Variants in DPP10 observed in about 807,000 individuals in gnomAD.
DPP10 encodes dipeptidyl peptidase like 10, also known as inactive dipeptidyl peptidase 10.
In DPP10, 33 loss-of-function variants were observed where a neutral mutation model predicts 120.9. That is an observed-to-expected ratio of 0.27 (90% CI 0.21 to 0.37). The LOEUF is 0.37. DPP10 is among the 10% of genes least tolerant of loss of function. The pLI is 1.00. For missense variants in DPP10, 816 were observed against 942.8 expected (o/e 0.87, Z 1.76); for synonymous variants, 337 against 326.1 (o/e 1.03, Z -0.36).
intron 1 of DPP10, among the ~76,000 whole-genome samples, chr2:115,030,503 C>T (rs933551298): frequency 3.3e-5 from 5 of 151,966 alleles, no homozygotes; most frequent in African/African-American, 1.2e-4. Context: ...ATTTTAAGTT[C>T]GGGGTATGTG....
chr2:115,494,640 GATTT>G (rs1013139752), intron 3 of DPP10, among the ~76,000 whole-genome samples: 3 of 151,988 alleles, frequency 2.0e-5, no homozygotes, highest in African/African-American at 7.2e-5. Flanking sequence ...ACCCTTCCTA[GATTT>G]ATTTGAGCAT....
chr2:114,686,007 T>G lies in DPP10; in HGVS notation c.60+243169T>G, dbSNP rs181790490. 2.6e-5 allele frequency among the ~76,000 whole-genome samples: 4 copies of G among 152,056 alleles called. No individual in the cohort carries two copies. The East Asian group carries it at 7.8e-4, about 30-fold the overall frequency. On this transcript the variant is annotated intron_variant, in intron 1 of 25. Transcript: ENST00000410059. ...CAGCTGGCTCTACCAGTACACTGTA[T>G]TTTCTTCCCTGAGTGCTACTTCCAG...
At chr2:114,829,351 A>G (rs1686857917) in intron 1 of DPP10, among the ~76,000 whole-genome samples, 1 of 151,306 alleles carries the variant, frequency 6.6e-6, no homozygotes, top group South Asian at 2.1e-4. Context: ...CTATTTACAA[A>G]GGGACACATA....
intron 1 of DPP10, among the ~76,000 whole-genome samples, chr2:114,866,070 C>T (rs1690204123): frequency 6.6e-6 from 1 of 151,394 alleles, no homozygotes; most frequent in African/African-American, 2.4e-5. Flanking sequence ...TGAGATCGCG[C>T]CACTGCACTC....
chr2:114,812,905 C>T (rs1279196393), intron 1 of DPP10, among the ~76,000 whole-genome samples: 1 of 152,134 alleles, frequency 6.6e-6, no homozygotes, highest in Non-Finnish European at 1.5e-5. Context: ...ATAGGCTTGG[C>T]TAATGCCCAA....
At chr2:115,199,356 T>C (rs1281089135) in intron 1 of DPP10, among the ~76,000 whole-genome samples, 1 of 152,118 alleles carries the variant, frequency 6.6e-6, no homozygotes, top group East Asian at 1.9e-4. Context: ...GTGTAGAGAC[T>C]ATCACTGTCA....
At chr2:115,031,681 A>G (rs916331876) in intron 1 of DPP10, among the ~76,000 whole-genome samples, 15 of 152,150 alleles carry the variant, frequency 9.9e-5, no homozygotes, top group Admixed American at 8.5e-4. Flanking sequence ...TCTTTAAAAC[A>G]CCTCTCAAAA....
intron 3 of DPP10, among the ~76,000 whole-genome samples, chr2:115,466,791 G>A (rs1365937693): frequency 1.3e-5 from 2 of 152,108 alleles, no homozygotes; most frequent in Non-Finnish European, 2.9e-5. Flanking sequence ...GACTGGGACA[G>A]GTTACTGGAT....
chr2:115,302,570 T>A (rs1574351782), intron 1 of DPP10, among the ~76,000 whole-genome samples: 2 of 151,610 alleles, frequency 1.3e-5, no homozygotes, highest in South Asian at 4.2e-4. Context: ...TGAGCCATGA[T>A]TGTGCCAGAG....
intron 1 of DPP10, among the ~76,000 whole-genome samples, chr2:115,291,971 G>C (rs1001342185): frequency 1.9e-4 from 29 of 152,110 alleles, no homozygotes; most frequent in African/African-American, 6.8e-4. Context: ...CCCAGAACTG[G>C]AAAGTATTTT....
At chr2:114,936,606 T>C (rs990015205) in intron 1 of DPP10, among the ~76,000 whole-genome samples, 2 of 152,220 alleles carry the variant, frequency 1.3e-5, no homozygotes, top group African/African-American at 4.8e-5. Flanking sequence ...GGTAGAAACT[T>C]TGACATGGGA....
intron 1 of DPP10, among the ~76,000 whole-genome samples, chr2:115,106,256 G>T (rs768326461): frequency 6.6e-6 from 1 of 152,208 alleles, no homozygotes; most frequent in Non-Finnish European, 1.5e-5. Context: ...GTATCTTGTA[G>T]TGAGGTAGTA....
At chr2:115,019,319 A>T (rs1307578374) in intron 1 of DPP10, among the ~76,000 whole-genome samples, 1 of 152,204 alleles carries the variant, frequency 6.6e-6, no homozygotes, top group Non-Finnish European at 1.5e-5. Flanking sequence ...TAGACAGCAT[A>T]AACAAAAAGA....
At chr2:114,717,307 T>C (rs1202496429) in intron 1 of DPP10, among the ~76,000 whole-genome samples, 3 of 152,206 alleles carry the variant, frequency 2.0e-5, no homozygotes, top group Admixed American at 2.0e-4. Flanking sequence ...TTGTGATTGA[T>C]CTATGTGTCA....
chr2:115,805,455 C>T (rs1460566736), intron 19 of DPP10, among the ~76,000 whole-genome samples: 1 of 152,082 alleles, frequency 6.6e-6, no homozygotes, highest in Non-Finnish European at 1.5e-5. Flanking sequence ...CACTGTCTGG[C>T]ACTCCCCAGT....
At chr2:115,200,482 C>T (rs189296309) in intron 1 of DPP10, among the ~76,000 whole-genome samples, 1 of 152,186 alleles carries the variant, frequency 6.6e-6, no homozygotes, top group Admixed American at 6.5e-5. Flanking sequence ...AAGGAAGCTC[C>T]GTTCAGGAAA....
chr2:115,703,391 ATC>A, intron 7 of DPP10, among the ~76,000 whole-genome samples: 1 of 152,096 alleles, frequency 6.6e-6, no homozygotes, highest in South Asian at 2.1e-4. Context: ...TAGGATATAT[ATC>A]TCCATATATA....
At chr2:115,652,414 T>A (rs2087873402) in intron 5 of DPP10, among the ~76,000 whole-genome samples, 1 of 145,940 alleles carries the variant, frequency 6.9e-6, no homozygotes, top group South Asian at 2.2e-4. Flanking sequence ...TATATATGTG[T>A]GTGTGTGTGT....
chr2:115,392,731 G>A (rs955050827), intron 3 of DPP10, among the ~76,000 whole-genome samples: 2 of 152,020 alleles, frequency 1.3e-5, no homozygotes, highest in African/African-American at 4.8e-5. Context: ...AAATTACAAT[G>A]AATTTTTTAA....
Sources: allele counts gnomAD v4.1 joint callset (sites outside exome capture counted in the v4.1 genomes callset), GRCh38; gene constraint gnomAD v4.1.1; transcripts MANE v1.5; gene names NCBI Gene and HGNC (gene_info 2026-07-23, HGNC 2026-07-21).